DOP1B: variants seen among roughly 807,000 people sequenced by gnomAD.
DOP1B encodes the protein DOP1 leucine zipper like protein B.
A neutral mutation model predicts 233.5 loss-of-function variants in DOP1B; 174 were observed. That is an observed-to-expected ratio of 0.75 (90% CI 0.66 to 0.85). DOP1B has a LOEUF of 0.85. Ranked by LOEUF, DOP1B falls within the 40% of genes least tolerant of loss-of-function variation. The pLI, the probability that DOP1B is intolerant of heterozygous loss-of-function variation, is 0.00. For missense variants in DOP1B, 2,652 were observed against 2,846.6 expected, an observed-to-expected ratio of 0.93 and a Z score of 1.56; for synonymous variants, 1,190 against 1,185.6, an observed-to-expected ratio of 1.00 and a Z score of -0.08.
chr21:36,260,266 G>GGAAGGAAA (rs1244326149), intron 23 of DOP1B, among the ~76,000 whole-genome samples: 1 of 124,786 alleles, frequency 8.0e-6, no homozygotes, highest in Non-Finnish European at 1.6e-5. Flanking sequence ...AAGGAAGGAA[G>GGAAGGAAA]GAAAGAAAGA....
chr21:36,273,273 AG>A (rs540810340), intron 27 of DOP1B, among the ~76,000 whole-genome samples: 12 of 150,638 alleles, frequency 8.0e-5, no homozygotes, highest in Non-Finnish European at 1.6e-4. Context: ...CAGGTATGGT[AG>A]TGTGTGCCTG....
intron 11 of DOP1B, among the ~76,000 whole-genome samples, chr21:36,224,572 C>T (rs538279795): frequency 4.6e-4 from 70 of 151,796 alleles, no homozygotes; most frequent in African/African-American, 1.5e-3. Flanking sequence ...TCTTTTCATC[C>T]CAGAGTTAAT....
At chr21:36,229,343 C>A (rs943607018) in intron 13 of DOP1B, among the ~76,000 whole-genome samples, 2 of 152,170 alleles carry the variant, frequency 1.3e-5, no homozygotes, top group Non-Finnish European at 2.9e-5. Flanking sequence ...CTCATGCCTC[C>A]CCCGAGCTTC....
At chr21:36,238,357 C>T (rs778536801) in intron 16 of DOP1B, among the ~76,000 whole-genome samples, 6 of 152,082 alleles carry the variant, frequency 3.9e-5, no homozygotes, top group Admixed American at 1.3e-4. Context: ...CAGGGGTGAC[C>T]CTGGACTCTA....
intron 35 of DOP1B, 53 bp from the exon 36 acceptor site, chr21:36,292,051 C>G: frequency 6.5e-7 from 1 of 1,532,476 alleles, no homozygotes. Flanking sequence ...CTAATTTTAA[C>G]GACGTTGAAG....
intron 2 of DOP1B, among the ~76,000 whole-genome samples, chr21:36,189,674 C>T (rs2066208330): frequency 6.6e-6 from 1 of 151,672 alleles, no homozygotes; most frequent in Non-Finnish European, 1.5e-5. Context: ...CACACCACTA[C>T]ACTCCAGCCT....
chr21:36,268,612 G>A (rs1413015853), intron 26 of DOP1B, among the ~76,000 whole-genome samples: 1 of 152,196 alleles, frequency 6.6e-6, no homozygotes, highest in African/African-American at 2.4e-5. Context: ...ACTGATAAAT[G>A]TCCATATTAA....
At chr21:36,211,096 A>C (rs772762482) in intron 5 of DOP1B, among the ~76,000 whole-genome samples, 4 of 152,198 alleles carry the variant, frequency 2.6e-5, no homozygotes, top group Non-Finnish European at 4.4e-5. Context: ...TGTTCTCTGC[A>C]GTTGAAAGAG....
In DOP1B at chr21:36,246,067, G is replaced by A. The variant is rs141493086; in HGVS notation, c.4087G>A (p.Ala1363Thr). 4 of 1,614,088 alleles carry A rather than the reference G, an allele frequency of 2.5e-6. No individual in the cohort carries two copies. The highest frequency in any genetic ancestry group is 1.7e-5 in the Admixed American group (1 of 60,016). The stretch of plus-strand genomic sequence containing the variant: ...GATAATGATGCAGCTGGTCTCAGTG[G>A]CCAAGTCTTCGGAAGGGAAGAACGT... ...IRIMMQLVSV[A>T]KSSEGKNVEF... is the part of the protein sequence containing the mutation. The change falls in exon 19 of 37, where the codon GCC becomes ACC. Residue 1363 changes from alanine to threonine, a missense_variant. Ala to Thr is a moderately conservative substitution (Grantham distance 58). This residue lies in a region of DOP1B where 2,617 missense variants were observed against 2,794.3 expected (regional missense o/e 0.94). Coordinates refer to ENST00000691173, the MANE Select transcript of DOP1B (RefSeq NM_001320714.2). This position sits in a 1 kb window ranked among gnomAD's most constrained non-coding sequence, Gnocchi z 5.1.
At chr21:36,195,607 C>T (rs1236507913) in intron 2 of DOP1B, among the ~76,000 whole-genome samples, 2 of 152,172 alleles carry the variant, frequency 1.3e-5, no homozygotes, top group Non-Finnish European at 2.9e-5. Context: ...GTTACAGCCT[C>T]AGTTCTGGGC....
intron 18 of DOP1B, among the ~76,000 whole-genome samples, chr21:36,244,417 A>T (rs760943970): frequency 2.6e-5 from 4 of 151,662 alleles, no homozygotes; most frequent in Non-Finnish European, 4.4e-5. Flanking sequence ...TTTCTGCAGG[A>T]TACATTTCTG....
chr21:36,288,266 C>T (rs11909469), intron 33 of DOP1B, 116 bp downstream of exon 33: 121,110 of 1,067,220 alleles, frequency 0.11, 8,012 homozygotes, highest in South Asian at 0.24. Context: ...TATTTTTAAT[C>T]AGGTTGGTAG....
rs139152969 is a variant in DOP1B, at chr21:36,267,810, C to T, written c.5488-2203C>T. Among the ~76,000 whole-genome samples the T allele has an allele frequency of 8.3e-3, 1,255 of 151,986 alleles. 12 individuals are homozygous for T. Among genetic ancestry groups the T allele is most frequent in the African/African-American group, 0.029 (1,189 of 41,432 alleles). ...GGGTGACATCACGTATCAGTAGGACCGTGATGCCCTCCTGAGCCTCAAACC... is the reference window on the plus strand; with the variant it reads ...GGGTGACATCACGTATCAGTAGGACTGTGATGCCCTCCTGAGCCTCAAACC... On this transcript the variant is annotated intron_variant, in intron 26 of 36. Transcript: ENST00000691173.
rs201323448 is a variant in DOP1B at position 36,223,371 on chromosome 21, T to C, written c.1370+21T>C. On this transcript the variant is annotated intron_variant, in intron 11 of 36. Coordinates refer to ENST00000691173, the MANE Select transcript of DOP1B (RefSeq NM_001320714.2). ...TTTAGGTAAGTATGCAGTTCAAGAA[T>C]GCAGAATATTTAGGAAGGATGAGAG... is the stretch of plus-strand genomic sequence containing the variant. 227 of 1,600,268 alleles carry C rather than the reference T, an allele frequency of 1.4e-4. 3 individuals are homozygous for C. The highest frequency in any genetic ancestry group is 1.3e-3 in the Middle Eastern group (8 of 6,058).
chr21:36,222,237 G>A (rs1208390891), intron 10 of DOP1B, among the ~76,000 whole-genome samples: 1 of 152,094 alleles, frequency 6.6e-6, no homozygotes, highest in Non-Finnish European at 1.5e-5. Context: ...AGCTGTGCAG[G>A]GATTTCGGTA....
intron 27 of DOP1B, among the ~76,000 whole-genome samples, chr21:36,274,148 G>A (rs1416515446): frequency 6.9e-6 from 1 of 145,692 alleles, no homozygotes; most frequent in Non-Finnish European, 1.5e-5. Flanking sequence ...AGTACTTAGA[G>A]CAGCCACATG....
chr21:36,233,166 C>T, intron 15 of DOP1B, 91 bp downstream of exon 15: 4 of 1,468,552 alleles, frequency 2.7e-6, no homozygotes, highest in South Asian at 1.4e-5. Context: ...GGCAGTGGCC[C>T]ACTTCTCTGA....
At chr21:36,273,549 C>A (rs1305059030) in intron 27 of DOP1B, among the ~76,000 whole-genome samples, 1 of 152,060 alleles carries the variant, frequency 6.6e-6, no homozygotes, top group Non-Finnish European at 1.5e-5. Context: ...GTGAGTGTTA[C>A]AGAACATGTC....
At position 36,258,972 on chromosome 21, in the gene DOP1B, GT is replaced by G. The variant is rs551334908; in HGVS notation, c.5260-1684del. ...TATGGTCATCCTGTTGCCTTTCACT[GT>G]TTTTTTTTTTTTTTTTTTTTGAGAC... On this transcript the variant is annotated intron_variant, in intron 23 of 36. Coordinates refer to ENST00000691173, the MANE Select transcript of DOP1B (RefSeq NM_001320714.2). 8.8e-3 allele frequency among the ~76,000 whole-genome samples: 1,026 copies of G among 115,986 alleles called. 8 individuals carry two copies. The highest frequency in any genetic ancestry group is 0.027 in the African/African-American group (822 of 29,920). 76.1% of individuals were successfully genotyped at this position (115,986 alleles called of 152,430 possible). A position where few individuals can be genotyped will look rare whatever the true frequency, so the allele number is the denominator to read the frequency against.
Sources: allele counts gnomAD v4.1 joint callset (sites outside exome capture counted in the v4.1 genomes callset), GRCh38; gene constraint gnomAD v4.1.1; regional missense constraint gnomAD v4.1.1; non-coding constraint Gnocchi (gnomAD v3.1); transcripts MANE v1.5; gene names NCBI Gene and HGNC (gene_info 2026-07-23, HGNC 2026-07-21).